KMT5C: variants seen among roughly 807,000 people sequenced by gnomAD.
KMT5C encodes histone-lysine N-methyltransferase KMT5C.
In KMT5C, 16 loss-of-function variants were observed where a neutral mutation model predicts 38.2. The ratio of observed to expected loss-of-function variants is 0.42; its 90% CI spans 0.28 to 0.64. The LOEUF is 0.64. KMT5C is among the 30% of genes least tolerant of loss of function. The pLI is 0.23. For synonymous variants in KMT5C, 291 were observed against 279.0 expected (o/e 1.04, Z -0.43); for missense variants, 598 against 665.1 (o/e 0.90, Z 1.11).
At position 55,347,118 on chromosome 19, in the gene KMT5C, G is replaced by A. The variant is rs778738858; in HGVS notation, c.1058G>A (p.Arg353His). The A allele has an allele frequency of 4.1e-5, 64 of 1,547,362 alleles. No homozygotes were observed. The highest frequency in any genetic ancestry group is 4.7e-5 in the Non-Finnish European group (54 of 1,153,754). Residue 353 changes from arginine to histidine, a missense_variant, in exon 9 of 9, where the codon CGC (arginine) becomes CAC (histidine). Coordinates refer to ENST00000255613, the MANE Select transcript of KMT5C (RefSeq NM_032701.4). The surrounding 1 kb of genome is among the most constrained non-coding windows in gnomAD (Gnocchi z 4.6). Reference protein sequence around the residue: ...APVLSTHHAARVSLHRWGGCG... With the variant: ...APVLSTHHAAHVSLHRWGGCG... ...GTGCTCTCCACCCACCACGCTGCCC[G>A]CGTCTCCCTGCACCGATGGGGAGGC...
Position 55,346,486 on chromosome 19 carries a change from A to G in KMT5C, c.708-14A>G. 1 of 1,590,404 alleles carries G rather than the reference A, an allele frequency of 6.3e-7. No homozygotes were observed. On this transcript the variant is annotated splice_polypyrimidine_tract_variant and intron_variant, in intron 7 of 8. Coordinates refer to ENST00000255613, the MANE Select transcript of KMT5C (RefSeq NM_032701.4). Reference sequence around the variant, plus strand: ...TTCCACCCGGCCTCATCTCCCCTTCACCCGGTCTCCCAGGAAAGGTGAAGG... The same window carrying G: ...TTCCACCCGGCCTCATCTCCCCTTCGCCCGGTCTCCCAGGAAAGGTGAAGG...
rs541156520 is a variant in KMT5C, at chr19:55,347,065, C to T, written c.1005C>T (p.Arg335=). 6.3e-7 allele frequency: 1 copy of T among 1,578,104 alleles called. No homozygotes were observed. Among genetic ancestry groups the T allele is most frequent in the Admixed American group, 1.7e-5 (1 of 58,096 alleles). The change falls in exon 9 of 9, where the codon CGC becomes CGT. Residue 335 remains arginine, a synonymous_variant. Coordinates refer to ENST00000255613, the MANE Select transcript of KMT5C (RefSeq NM_032701.4). This position sits in a 1 kb window ranked among gnomAD's most constrained non-coding sequence, Gnocchi z 4.6. ...AGCCCCGAGTGCGGCCCCGGAAGCGCCGACGCCCCCGGCCCCGGAGGGCCC... is the reference window on the plus strand; with the variant it reads ...AGCCCCGAGTGCGGCCCCGGAAGCGTCGACGCCCCCGGCCCCGGAGGGCCC... ...QPQPRVRPRK[R]RRPRPRRAPV...
rs2089637395 is a variant in KMT5C, at chr19:55,347,616, C to CT, written c.*168dup. ...TTGGACACCCCCAGGGATCTGAGCC[C>CT]TGACCCTTTGTGACTGCTGACCCCT... On this transcript the variant is annotated 3_prime_UTR_variant, in exon 9 of 9. Transcript: ENST00000255613. The surrounding 1 kb of genome is among the most constrained non-coding windows in gnomAD (Gnocchi z 4.6). 5 of 1,209,496 alleles carry CT rather than the reference C, an allele frequency of 4.1e-6. No homozygotes were observed. The highest frequency in any genetic ancestry group is 1.6e-5 in the African/African-American group (1 of 63,160). The allele number at this position is 1,209,496 out of a possible 1,614,324, so 74.9% of individuals were successfully genotyped here.
chr19:55,343,654 A>C lies in KMT5C; in HGVS notation c.387-26A>C, dbSNP rs1050197425. 3 of 1,548,828 alleles carry C rather than the reference A, an allele frequency of 1.9e-6. No homozygotes were observed. The African/African-American group carries it at 4.1e-5, about 21-fold the overall frequency. On this transcript the variant is annotated intron_variant, in intron 4 of 8. Transcript: ENST00000255613. The surrounding 1 kb of genome is among the most constrained non-coding windows in gnomAD (Gnocchi z 5.5). Reference sequence around the variant, plus strand: ...CTGCAGGAGGCCAGGCATCGCCCACAGCCCTGCCCCCTGGCCTCTTGGCAG... The same window carrying C: ...CTGCAGGAGGCCAGGCATCGCCCACCGCCCTGCCCCCTGGCCTCTTGGCAG...
intron 6 of KMT5C, 132 bp downstream of exon 6, chr19:55,344,129 C>T (rs900767852): frequency 6.6e-5 from 61 of 928,092 alleles, no homozygotes; most frequent in Non-Finnish European, 9.7e-5. Flanking sequence ...AATCCCAGCA[C>T]TTTGGGAGGC....
In KMT5C at chr19:55,343,639, C is replaced by T; in HGVS notation, c.387-41C>T. 6.5e-7 allele frequency: 1 copy of T among 1,543,758 alleles called. No homozygotes were observed. The highest frequency in any genetic ancestry group is 8.8e-7 in the Non-Finnish European group (1 of 1,142,370). On this transcript the variant is annotated intron_variant, in intron 4 of 8. Coordinates refer to ENST00000255613, the MANE Select transcript of KMT5C (RefSeq NM_032701.4). The surrounding 1 kb of genome is among the most constrained non-coding windows in gnomAD (Gnocchi z 5.5). ...GAGTCCCCTGAACACCTGCAGGAGG[C>T]CAGGCATCGCCCACAGCCCTGCCCC...
intron 2 of KMT5C, 62 bp downstream of exon 2, chr19:55,342,108 G>A: frequency 1.9e-6 from 3 of 1,575,354 alleles, no homozygotes; most frequent in East Asian, 4.5e-5. Context: ...TTGCACCGCT[G>A]CCGCCCCTCG....
Position 55,347,407 on chromosome 19 carries a change from C to A in KMT5C, c.1347C>A (p.Ser449Arg). The A allele has an allele frequency of 6.4e-7, 1 of 1,567,338 alleles. No individual in the cohort carries two copies. The highest frequency in any genetic ancestry group is 8.6e-7 in the Non-Finnish European group (1 of 1,163,686). Residue 449 changes from serine to arginine, a missense_variant, in exon 9 of 9, where the codon AGC becomes AGA. By Grantham distance (110) the Ser-to-Arg change is moderately radical. Transcript: ENST00000255613. This position sits in a 1 kb window ranked among gnomAD's most constrained non-coding sequence, Gnocchi z 4.6. ...SPPKRLRLVV[S>R]HGSIDLDVGG... ...CCAAGCGCCTACGGCTGGTGGTCAG[C>A]CACGGCTCCATCGACCTGGATGTCG...
chr19:55,342,641 C>A, intron 3 of KMT5C, 101 bp from the exon 4 acceptor site: 2 of 742,022 alleles, frequency 2.7e-6, no homozygotes, highest in Non-Finnish European at 2.4e-6. Context: ...GCCCCCAAGA[C>A]CACACAGTGA....
At chr19:55,340,182 C>T (rs2089541104) in intron 1 of KMT5C, among the ~76,000 whole-genome samples, 1 of 151,944 alleles carries the variant, frequency 6.6e-6, no homozygotes, top group Non-Finnish European at 1.5e-5. Flanking sequence ...CTTCTTACGT[C>T]CACGGCCCTC....
In KMT5C at chr19:55,344,206, CA is replaced by C. The variant is rs1162707454; in HGVS notation, c.570+215del. On this transcript the variant is annotated intron_variant, in intron 6 of 8. Transcript: ENST00000255613. ...TGAAACCCCATCTCTACTAAAAACACAAAAAATTAGTCGGGCGTGGTGGCGG... is the reference window on the plus strand; with the variant it reads ...TGAAACCCCATCTCTACTAAAAACACAAAAATTAGTCGGGCGTGGTGGCGG... 1.4e-4 allele frequency: 66 copies of C among 483,954 alleles called. 1 individual carries two copies. In the South Asian group the frequency reaches 1.6e-3, roughly 12 times the overall value. 30.0% of individuals were successfully genotyped at this position (483,954 alleles called of 1,614,324 possible).
chr19:55,347,012 C>A lies in KMT5C; in HGVS notation c.952C>A (p.Leu318Ile). The A allele has an allele frequency of 7.1e-7, 1 of 1,404,212 alleles. No homozygotes were observed. The highest frequency in any genetic ancestry group is 1.0e-6 in the Non-Finnish European group (1 of 1,004,488). 87.0% of individuals were successfully genotyped at this position (1,404,212 alleles called of 1,614,324 possible). A position where few individuals can be genotyped will look rare whatever the true frequency, so the allele number is the denominator to read the frequency against. ...ACSARPDTSP[L>I]WLQWLPQPQP... ...CAGCGCCCGCCCAGACACCTCACCC[C>A]TCTGGCTCCAGTGGCTGCCTCAGCC... Residue 318 changes from leucine (L) to isoleucine (I), a missense_variant, in exon 9 of 9, where the codon CTC becomes ATC. Leu to Ile is a conservative substitution (Grantham distance 5). This residue lies in a region of KMT5C where 326 missense variants were observed against 298.1 expected (regional missense o/e 1.09). Coordinates refer to ENST00000255613, the MANE Select transcript of KMT5C (RefSeq NM_032701.4). This position sits in a 1 kb window ranked among gnomAD's most constrained non-coding sequence, Gnocchi z 4.6.
At chr19:55,345,289 G>A (rs762066074) in intron 6 of KMT5C, 9 of 353,082 alleles carry the variant, frequency 2.5e-5, no homozygotes, top group East Asian at 2.2e-4. Context: ...GCCCAGCGAC[G>A]GCTTTGATCC....
Position 55,343,103 on chromosome 19 carries a change from G to T in KMT5C, c.386+252G>T, listed in dbSNP as rs1308362592. On this transcript the variant is annotated intron_variant, in intron 4 of 8. Transcript: ENST00000255613. The surrounding 1 kb of genome is among the most constrained non-coding windows in gnomAD (Gnocchi z 5.5). ...GGAAAGAACTAGGCTTCTGGTCAGG[G>T]CCGTGCTGTCCTTACCTCCTTGTGA... 2.1e-6 allele frequency: 1 copy of T among 477,536 alleles called. No individual in the cohort carries two copies. The allele number at this position is 477,536 out of a possible 1,614,324, so 29.6% of individuals were successfully genotyped here.
chr19:55,346,029 G>A (rs2089612550), intron 6 of KMT5C, 184 bp from the exon 7 acceptor site: 1 of 647,500 alleles, frequency 1.5e-6, no homozygotes, highest in South Asian at 1.9e-5. Flanking sequence ...GGATTGTCCA[G>A]GGGCTACAGG....
In KMT5C at chr19:55,344,974, C is replaced by T. The variant is rs537804516; in HGVS notation, c.570+977C>T. 1.2e-4 allele frequency: 57 copies of T among 462,426 alleles called. 1 individual carries two copies. Among genetic ancestry groups the T allele is most frequent in the South Asian group, 7.1e-4 (46 of 64,566 alleles). 28.6% of individuals were successfully genotyped at this position (462,426 alleles called of 1,614,324 possible). On this transcript the variant is annotated intron_variant, in intron 6 of 8. Transcript: ENST00000255613. ...GTTGGTGAGGATCTCTGGAACTCTG[C>T]GGGCTGGTCAAGTGTGCCGGAGGGT...
In KMT5C at chr19:55,343,676, G is replaced by T. The variant is rs143414819; in HGVS notation, c.387-4G>T. The T allele has an allele frequency of 3.2e-4, 495 of 1,552,626 alleles. No individual in the cohort carries two copies. In the African/African-American group the frequency reaches 6.3e-3, roughly 20 times the overall value. ...CACAGCCCTGCCCCCTGGCCTCTTG[G>T]CAGGAAAAAGAATGAGAAGCTGGAG... On this transcript the variant is annotated splice_region_variant and splice_polypyrimidine_tract_variant and intron_variant, in intron 4 of 8. Coordinates refer to ENST00000255613, the MANE Select transcript of KMT5C (RefSeq NM_032701.4). This position sits in a 1 kb window ranked among gnomAD's most constrained non-coding sequence, Gnocchi z 5.5.
In KMT5C at chr19:55,346,301, G is replaced by C. The variant is rs375214632; in HGVS notation, c.659G>C (p.Gly220Ala). 1.2e-5 allele frequency: 19 copies of C among 1,613,978 alleles called. No individual in the cohort carries two copies. The highest frequency in any genetic ancestry group is 1.5e-5 in the Non-Finnish European group (18 of 1,179,976). Residue 220 changes from glycine to alanine, a missense_variant, in exon 7 of 9, where the codon GGC becomes GCC. Transcript: ENST00000255613. Reference protein sequence around the residue: ...GDEVTCFYGEGFFGEKNEHCE... With the variant: ...GDEVTCFYGEAFFGEKNEHCE... ...GAGGTGACATGCTTCTACGGCGAGG[G>C]CTTCTTCGGCGAGAAGAATGAGCAC...
rs778714300 is a variant in KMT5C at position 55,343,793 on chromosome 19, G to A, written c.500G>A (p.Arg167His). The A allele has an allele frequency of 1.9e-6, 3 of 1,613,088 alleles. No homozygotes were observed. Among genetic ancestry groups the A allele is most frequent in the Admixed American group, 3.3e-5 (2 of 59,866 alleles). Residue 167 changes from arginine (R) to histidine (H), a missense_variant, in exon 5 of 9, where the codon CGC becomes CAC. Around this residue, in one of 3 missense-constraint regions of KMT5C, gnomAD observed 105 missense variants for 179.2 expected, o/e 0.59. Transcript: ENST00000255613. This position sits in a 1 kb window ranked among gnomAD's most constrained non-coding sequence, Gnocchi z 5.5. ...GACTTCAGCATCATGTACTCAACCCGCAAGCGGAGTGCTCAGCTGTGGCTG... is the reference window on the plus strand; with the variant it reads ...GACTTCAGCATCATGTACTCAACCCACAAGCGGAGTGCTCAGCTGTGGCTG... ...ENDFSIMYST[R>H]KRSAQLWLGP...
Sources: allele counts gnomAD v4.1 joint callset (sites outside exome capture counted in the v4.1 genomes callset), GRCh38; gene constraint gnomAD v4.1.1; regional missense constraint gnomAD v4.1.1; non-coding constraint Gnocchi (gnomAD v3.1); transcripts MANE v1.5; gene names NCBI Gene and HGNC (gene_info 2026-07-23, HGNC 2026-07-21).